The following IGSF10 variants were observed in gnomAD, a reference collection of about 807,000 sequenced individuals.
IGSF10 encodes the protein calvaria mechanical force protein 608.
In IGSF10, 126 loss-of-function variants were observed where a neutral mutation model predicts 128.2. The observed-to-expected ratio is 0.98, with a 90% CI of 0.85 to 1.14. The LOEUF is 1.14. Among genes scored for constraint, IGSF10 ranks in the 50% most tolerant of loss-of-function variants. IGSF10 has a pLI of 0.00. For missense variants in IGSF10, 3,295 were observed against 3,149.8 expected (o/e 1.05, Z -1.10); for synonymous variants, 1,185 against 1,146.2 (o/e 1.03, Z -0.68).
the IGSF10 span, among the ~76,000 whole-genome samples, chr3:151,500,488 T>C: frequency 6.6e-6 from 1 of 152,170 alleles, no homozygotes; most frequent in Non-Finnish European, 1.5e-5. Context: ...TGCTTACTTA[T>C]TTGCTTAAAT....
the IGSF10 span, among the ~76,000 whole-genome samples, chr3:151,473,384 A>G: frequency 6.6e-6 from 1 of 152,250 alleles, no homozygotes; most frequent in African/African-American, 2.4e-5. Context: ...CATCACTGCT[A>G]TTTGCTTTCC....
the IGSF10 span, among the ~76,000 whole-genome samples, chr3:151,615,968 T>TTTTG: frequency 4.0e-5 from 6 of 150,398 alleles, no homozygotes; most frequent in Non-Finnish European, 8.9e-5. Flanking sequence ...TTTGAGGTTT[T>TTTTG]TTTTTTTTTT....
chr3:151,511,419 A>G, the IGSF10 span, among the ~76,000 whole-genome samples: 1 of 152,256 alleles, frequency 6.6e-6, no homozygotes, highest in African/African-American at 2.4e-5. Context: ...AAATGCTGAG[A>G]GATTTTGTCA....
the IGSF10 span, among the ~76,000 whole-genome samples, chr3:151,516,671 A>C: frequency 6.7e-6 from 1 of 150,340 alleles, no homozygotes; most frequent in Non-Finnish European, 1.5e-5. Flanking sequence ...CCAGAAGCAG[A>C]ACATTGGTCC....
chr3:151,588,622 A>C, the IGSF10 span, among the ~76,000 whole-genome samples: 1 of 152,206 alleles, frequency 6.6e-6, no homozygotes, highest in Non-Finnish European at 1.5e-5. Context: ...GACAACTAGG[A>C]CTTAAAAATT....
the IGSF10 span, among the ~76,000 whole-genome samples, chr3:151,613,022 C>T: frequency 6.6e-6 from 1 of 152,158 alleles, no homozygotes; most frequent in African/African-American, 2.4e-5. Context: ...GTACAAAAAT[C>T]ACAAGTATTC....
chr3:151,563,501 G>C, the IGSF10 span, among the ~76,000 whole-genome samples: 6 of 152,034 alleles, frequency 3.9e-5, no homozygotes, highest in Non-Finnish European at 8.8e-5. Flanking sequence ...CACGTTTATG[G>C]ATATATAAAA....
At chr3:151,558,799 C>T in the IGSF10 span, among the ~76,000 whole-genome samples, 19 of 152,146 alleles carry the variant, frequency 1.2e-4, no homozygotes, top group Admixed American at 1.0e-3. Context: ...CACCTTTTGA[C>T]TCATGGTACA....
the IGSF10 span, among the ~76,000 whole-genome samples, chr3:151,574,520 G>A: frequency 6.6e-6 from 1 of 152,140 alleles, no homozygotes; most frequent in Non-Finnish European, 1.5e-5. Context: ...AGCTACTGGA[G>A]CTTGTGTATG....
chr3:151,550,466 G>A, the IGSF10 span, among the ~76,000 whole-genome samples: 1 of 152,140 alleles, frequency 6.6e-6, no homozygotes, highest in African/African-American at 2.4e-5. Flanking sequence ...TGAGGTTTCT[G>A]CACATATCCT....
chr3:151,443,077 T>A lies in IGSF10; in HGVS notation c.5870A>T (p.Asp1957Val). Residue 1957 changes from aspartate (D) to valine (V), a missense_variant, in exon 7 of 8, where the codon GAC becomes GTC. Coordinates refer to ENST00000282466, the MANE Select transcript of IGSF10 (RefSeq NM_178822.5). Reference protein sequence around the residue: ...SQKRTEVNFGDKLLLNCSATG... With the variant: ...SQKRTEVNFGVKLLLNCSATG... ...GGCTGAGCAGTTCAGTAGTAATTTG[T>A]CCCCAAAATTCACTTCAGTCCTTTT... is the stretch of plus-strand genomic sequence containing the variant. The A allele has an allele frequency of 6.2e-7, 1 of 1,614,228 alleles. No homozygotes were observed. Among genetic ancestry groups the A allele is most frequent in the Non-Finnish European group, 8.5e-7 (1 of 1,180,036 alleles).
the IGSF10 span, among the ~76,000 whole-genome samples, chr3:151,522,708 T>C: frequency 1.3e-5 from 2 of 152,192 alleles, no homozygotes; most frequent in Non-Finnish European, 2.9e-5. Flanking sequence ...GAGCCATCTA[T>C]GACAAACCCA....
chr3:151,568,008 A>T, the IGSF10 span, among the ~76,000 whole-genome samples: 1 of 152,128 alleles, frequency 6.6e-6, no homozygotes, highest in Non-Finnish European at 1.5e-5. Context: ...GTACATTTTA[A>T]AACAAAGCCT....
chr3:151,558,442 C>T, the IGSF10 span, among the ~76,000 whole-genome samples: 1 of 152,168 alleles, frequency 6.6e-6, no homozygotes, highest in South Asian at 2.1e-4. Context: ...AAGACACTGC[C>T]AAGCACATAC....
intron 7 of IGSF10, among the ~76,000 whole-genome samples, chr3:151,438,861 T>TAGAG (rs5853525): frequency 2.8e-5 from 3 of 108,252 alleles, no homozygotes; most frequent in Non-Finnish European, 6.4e-5. Flanking sequence ...GGTATATATA[T>TAGAG]ATATAGAGAG....
the IGSF10 span, among the ~76,000 whole-genome samples, chr3:151,604,222 G>A: frequency 6.6e-6 from 1 of 152,142 alleles, no homozygotes; most frequent in African/African-American, 2.4e-5. Context: ...CAGATTCTGA[G>A]TCTGATACTA....
At chr3:151,493,207 G>A in the IGSF10 span, among the ~76,000 whole-genome samples, 5 of 152,136 alleles carry the variant, frequency 3.3e-5, no homozygotes, top group African/African-American at 7.2e-5. Flanking sequence ...GAATGAACAA[G>A]TGATCTAATG....
chr3:151,487,999 G>T, the IGSF10 span, among the ~76,000 whole-genome samples: 1 of 151,810 alleles, frequency 6.6e-6, no homozygotes, highest in African/African-American at 2.4e-5. Context: ...GCAAGAAAAA[G>T]AAAAAAGCAT....
chr3:151,487,832 AAAT>A, the IGSF10 span, among the ~76,000 whole-genome samples: 1 of 152,198 alleles, frequency 6.6e-6, no homozygotes, highest in African/African-American at 2.4e-5. Flanking sequence ...ACGTGTCTCA[AAAT>A]AATAAGAGCT....
Sources: allele counts gnomAD v4.1 joint callset (sites outside exome capture counted in the v4.1 genomes callset), GRCh38; gene constraint gnomAD v4.1.1; transcripts MANE v1.5; gene names NCBI Gene and HGNC (gene_info 2026-07-23, HGNC 2026-07-21).